Variants in ACADL observed in about 807,000 individuals in gnomAD.
ACADL encodes acyl-CoA dehydrogenase long chain.
Under a neutral mutation model 56.9 loss-of-function variants are expected in ACADL, and 60 were observed. That is an observed-to-expected ratio of 1.05 (90% CI 0.86 to 1.31). ACADL has a LOEUF of 1.31. Ranked by LOEUF, ACADL falls within the 50% of genes most tolerant of loss-of-function variation. The probability of loss-of-function intolerance (pLI) is 0.00; values close to 1 mark genes in which losing one functional copy is unlikely to be tolerated. For synonymous variants in ACADL, 158 were observed against 179.7 expected (o/e 0.88, Z 0.97); for missense variants, 484 against 525.5 (o/e 0.92, Z 0.77).
At chr2:210,221,656 T>C (rs1255506456) in intron 1 of ACADL, among the ~76,000 whole-genome samples, 1 of 152,214 alleles carries the variant, frequency 6.6e-6, no homozygotes, top group African/African-American at 2.4e-5. Context: ...AAGATCTATT[T>C]CATGTAATTA....
In ACADL at chr2:210,189,040, G is replaced by T. The variant is rs780610346; in HGVS notation, c.1214C>A (p.Ala405Asp). Residue 405 changes from alanine to aspartate, a missense_variant, in exon 11 of 11, where the codon GCC (alanine) becomes GAC (aspartate). Ala to Asp is a moderately radical substitution (Grantham distance 126). Coordinates refer to ENST00000233710, the MANE Select transcript of ACADL (RefSeq NM_001608.4). The stretch of plus-strand genomic sequence containing the variant: ...ACCACCATAGATTGGCTGAACTCTG[G>T]CATCCACATAAGCTCTGGATAAATC... Reference protein sequence around the residue: ...EYPIAKAYVDARVQPIYGGTN... With the variant: ...EYPIAKAYVDDRVQPIYGGTN... The T allele has an allele frequency of 6.2e-7, 1 of 1,611,288 alleles. No homozygotes were observed. Among genetic ancestry groups the T allele is most frequent in the South Asian group, 1.1e-5 (1 of 91,016 alleles).
At chr2:210,209,194 C>T (rs1688940803) in intron 5 of ACADL, among the ~76,000 whole-genome samples, 1 of 152,142 alleles carries the variant, frequency 6.6e-6, no homozygotes, top group African/African-American at 2.4e-5. Flanking sequence ...ATAGCCCAAA[C>T]TTATAAAAAC....
intron 9 of ACADL, 144 bp from the exon 10 acceptor site, chr2:210,193,034 G>A: frequency 1.6e-6 from 1 of 618,042 alleles, no homozygotes; most frequent in Admixed American, 3.0e-5. Context: ...GCTAAGCAAA[G>A]AAGATAAAAA....
chr2:210,222,247 A>G (rs1477760905), intron 1 of ACADL, among the ~76,000 whole-genome samples: 1 of 152,166 alleles, frequency 6.6e-6, no homozygotes, highest in Non-Finnish European at 1.5e-5. Flanking sequence ...AATAAACTAT[A>G]AATATGCAAA....
chr2:210,210,835 A>T (rs1029814494), intron 4 of ACADL, among the ~76,000 whole-genome samples: 1 of 152,150 alleles, frequency 6.6e-6, no homozygotes, highest in African/African-American at 2.4e-5. Context: ...GGTCTCAGCT[A>T]CTTGGGAGGC....
intron 9 of ACADL, among the ~76,000 whole-genome samples, chr2:210,193,103 A>G (rs1478700073): frequency 6.6e-6 from 1 of 152,232 alleles, no homozygotes; most frequent in Non-Finnish European, 1.5e-5. Flanking sequence ...TTCATTAATT[A>G]TATTTCTTGC....
chr2:210,195,867 A>T lies in ACADL; in HGVS notation c.985-529T>A, dbSNP rs907919449. ...TATTATTTAATATTGCACAGTATTT[A>T]ATCTAGATCTGTAGAAAGCAATAGA... is the stretch of plus-strand genomic sequence containing the variant. On this transcript the variant is annotated intron_variant, in intron 8 of 10. Coordinates refer to ENST00000233710, the MANE Select transcript of ACADL (RefSeq NM_001608.4). Among the ~76,000 whole-genome samples the T allele has an allele frequency of 4.6e-5, 7 of 152,202 alleles. No individual in the cohort carries two copies. The East Asian group carries it at 7.7e-4, about 17-fold the overall frequency.
At chr2:210,215,016 A>G (rs16844216) in intron 4 of ACADL, among the ~76,000 whole-genome samples, 2,577 of 152,308 alleles carry the variant, frequency 0.017, 79 homozygotes, top group African/African-American at 0.059. Flanking sequence ...ACACTGTCAG[A>G]AAAGAAAATC....
intron 4 of ACADL, 115 bp downstream of exon 4, chr2:210,216,232 G>A (rs1157946225): frequency 1.0e-5 from 11 of 1,089,098 alleles, no homozygotes; most frequent in Admixed American, 1.7e-5. Context: ...GAATTATCCC[G>A]TGTTCATCTT....
intron 1 of ACADL, among the ~76,000 whole-genome samples, chr2:210,223,031 G>A (rs1575683885): frequency 6.6e-6 from 1 of 152,254 alleles, no homozygotes; most frequent in South Asian, 2.1e-4. Flanking sequence ...AAACAATAGA[G>A]CCAGAATTTA....
intron 8 of ACADL, among the ~76,000 whole-genome samples, chr2:210,200,975 T>A (rs1371026489): frequency 1.3e-5 from 2 of 151,916 alleles, no homozygotes; most frequent in East Asian, 3.9e-4. Context: ...CAGCCGAGGG[T>A]CTCTGGTGAA....
At chr2:210,189,886 C>A (rs1688604432) in intron 10 of ACADL, among the ~76,000 whole-genome samples, 1 of 152,148 alleles carries the variant, frequency 6.6e-6, no homozygotes, top group Admixed American at 6.5e-5. Flanking sequence ...AACAACACAT[C>A]ATTGGCAGAC....
At chr2:210,191,753 C>G (rs960070094) in intron 10 of ACADL, among the ~76,000 whole-genome samples, 13 of 152,102 alleles carry the variant, frequency 8.5e-5, no homozygotes, top group Admixed American at 3.9e-4. Flanking sequence ...CATTCTTACT[C>G]TCAGATTCAG....
Position 210,204,497 on chromosome 2 carries a change from A to G in ACADL, c.870+84T>C, listed in dbSNP as rs182388756. ...GTTTTGCATGTATAAATTTGAATGC[A>G]TAATATAGAAATAACATGTTTCTAT... On this transcript the variant is annotated intron_variant, in intron 7 of 10. Coordinates refer to ENST00000233710, the MANE Select transcript of ACADL (RefSeq NM_001608.4). The G allele has an allele frequency of 2.4e-5, 25 of 1,051,282 alleles. No individual in the cohort carries two copies. The African/African-American group carries it at 3.0e-4, about 13-fold the overall frequency. The allele number at this position is 1,051,282 out of a possible 1,614,324, so 65.1% of individuals were successfully genotyped here.
chr2:210,188,952 G>T lies in ACADL; in HGVS notation c.*9C>A. On this transcript the variant is annotated 3_prime_UTR_variant, in exon 11 of 11. Transcript: ENST00000233710. ...AGCTGTAATAGGACTCCAGGATGTG[G>T]GCAGATGTCTACTTGTCAAAGACAA... The T allele has an allele frequency of 6.3e-7, 1 of 1,596,414 alleles. No homozygotes were observed. Among genetic ancestry groups the T allele is most frequent in the Non-Finnish European group, 8.6e-7 (1 of 1,164,120 alleles).
intron 8 of ACADL, among the ~76,000 whole-genome samples, chr2:210,202,474 A>G (rs925384701): frequency 6.6e-6 from 1 of 152,100 alleles, no homozygotes; most frequent in Non-Finnish European, 1.5e-5. Flanking sequence ...GTCTGAACTC[A>G]TAGATGTCCT....
intron 4 of ACADL, among the ~76,000 whole-genome samples, chr2:210,214,840 TG>T (rs1689058729): frequency 1.3e-5 from 2 of 152,226 alleles, no homozygotes; most frequent in Non-Finnish European, 2.9e-5. Context: ...AATTTCTACT[TG>T]TTTAGATCAC....
intron 1 of ACADL, among the ~76,000 whole-genome samples, chr2:210,222,161 A>G (rs1689185720): frequency 6.6e-6 from 1 of 152,242 alleles, no homozygotes; most frequent in Non-Finnish European, 1.5e-5. Context: ...GGATACAATA[A>G]CGAACAAAGG....
At chr2:210,206,167 G>A (rs993769286) in intron 5 of ACADL, among the ~76,000 whole-genome samples, 4 of 152,128 alleles carry the variant, frequency 2.6e-5, no homozygotes, top group Admixed American at 1.3e-4. Flanking sequence ...GCCGGGCCCG[G>A]TGGCTCACAC....
Sources: gnomAD v4.1 joint callset for allele counts (sites outside exome capture counted in the v4.1 genomes callset) on GRCh38, gnomAD v4.1.1 for gene constraint, MANE v1.5 for transcripts, NCBI Gene and HGNC (gene_info 2026-07-23, HGNC 2026-07-21) for gene names.